The following PDE1C variants were observed in gnomAD, a reference collection of about 807,000 sequenced individuals.
PDE1C encodes phosphodiesterase 1C, also known as dual specificity calcium/calmodulin-dependent 3',5'-cyclic nucleotide phosphodiesterase 1C.
In PDE1C, 62 loss-of-function variants were observed where a neutral mutation model predicts 93.1. The observed-to-expected ratio is 0.67, with a 90% CI of 0.54 to 0.82. The LOEUF (loss-of-function observed/expected upper bound fraction) is 0.82. Ranked by LOEUF, PDE1C falls within the 40% of genes least tolerant of loss-of-function variation. The pLI, the probability that PDE1C is intolerant of heterozygous loss-of-function variation, is 0.00. For synonymous variants in PDE1C, 325 were observed against 310.1 expected, an observed-to-expected ratio of 1.05 and a Z score of -0.50; for missense variants, 742 against 884.6, an observed-to-expected ratio of 0.84 and a Z score of 2.04.
chr7:31,638,724 A>G, the PDE1C span, among the ~76,000 whole-genome samples: 1 of 151,994 alleles, frequency 6.6e-6, no homozygotes, highest in Non-Finnish European at 1.5e-5. Context: ...GTTGATTTTA[A>G]GGGTTTTTAT....
chr7:32,176,872 T>G (rs1363861852), intron 2 of PDE1C, among the ~76,000 whole-genome samples: 2 of 152,052 alleles, frequency 1.3e-5, no homozygotes, highest in Non-Finnish European at 2.9e-5. Context: ...AGACAGAAAA[T>G]ACAAACAGAC....
chr7:32,365,505 A>G (rs772967671), intron 1 of PDE1C, among the ~76,000 whole-genome samples: 2 of 152,194 alleles, frequency 1.3e-5, no homozygotes, highest in African/African-American at 2.4e-5. Context: ...TACCTAGTAC[A>G]GCCGAGAAGA....
At chr7:31,643,768 G>A in the PDE1C span, 74 of 1,613,886 alleles carry the variant, frequency 4.6e-5, no homozygotes, top group Non-Finnish European at 5.5e-5. Context: ...CACCTGCCAT[G>A]CTATACCTGC....
chr7:31,652,165 CTTCATT>C, the PDE1C span: 25 of 824,260 alleles, frequency 3.0e-5, no homozygotes, highest in Non-Finnish European at 4.3e-5. Context: ...ATGCCAACAC[CTTCATT>C]TTAAGTATAC....
At chr7:31,959,199 GTTGTTTGT>G (rs138410002) in intron 2 of PDE1C, among the ~76,000 whole-genome samples, 25 of 151,630 alleles carry the variant, frequency 1.6e-4, no homozygotes, top group East Asian at 3.9e-4. Context: ...TTTTTGTTTT[GTTGTTTGT>G]TTGTTTGTTT....
chr7:32,283,902 T>C (rs1453314077), intron 1 of PDE1C, among the ~76,000 whole-genome samples: 1 of 152,206 alleles, frequency 6.6e-6, no homozygotes, highest in Non-Finnish European at 1.5e-5. Flanking sequence ...TCCATTTCTG[T>C]AGCGCTCAGA....
At chr7:32,071,133 G>A (rs1187586540), upstream of PDE1C, 5 of 985,544 alleles carry the variant, frequency 5.1e-6, no homozygotes, top group South Asian at 9.4e-5. Flanking sequence ...CCCCGGCCGG[G>A]CACACTCACC....
chr7:31,982,500 G>T (rs1167194134), intron 2 of PDE1C, among the ~76,000 whole-genome samples: 1 of 152,048 alleles, frequency 6.6e-6, no homozygotes, highest in Non-Finnish European at 1.5e-5. Flanking sequence ...AATCAATACT[G>T]TCATCAACAA....
intron 2 of PDE1C, among the ~76,000 whole-genome samples, chr7:32,205,250 G>C (rs1457225518): frequency 6.6e-6 from 1 of 152,178 alleles, no homozygotes; most frequent in Non-Finnish European, 1.5e-5. Flanking sequence ...CTGATGTTCA[G>C]TGACCACGTC....
intron 1 of PDE1C, among the ~76,000 whole-genome samples, chr7:32,426,116 AT>A (rs957322189): frequency 6.6e-6 from 1 of 152,118 alleles, no homozygotes; most frequent in African/African-American, 2.4e-5. Flanking sequence ...ACCATGACAG[AT>A]TTTATAAAAA....
chr7:32,017,138 A>C (rs1788016943), intron 2 of PDE1C, among the ~76,000 whole-genome samples: 1 of 152,192 alleles, frequency 6.6e-6, no homozygotes, highest in Middle Eastern at 3.2e-3. Context: ...AAAGCTAATC[A>C]TTATTTGTTA....
intron 2 of PDE1C, among the ~76,000 whole-genome samples, chr7:32,206,034 G>C (rs1476608622): frequency 6.6e-6 from 1 of 152,186 alleles, no homozygotes; most frequent in Non-Finnish European, 1.5e-5. Flanking sequence ...ACGCAGTACT[G>C]TTCTAGGATC....
chr7:32,019,348 G>A (rs1279098164), intron 2 of PDE1C, among the ~76,000 whole-genome samples: 2 of 152,024 alleles, frequency 1.3e-5, no homozygotes, highest in African/African-American at 4.8e-5. Flanking sequence ...GGGACTGGAG[G>A]TGCACATATT....
intron 1 of PDE1C, among the ~76,000 whole-genome samples, chr7:32,214,975 T>TTGATGATGA (rs143895270): frequency 3.0e-3 from 448 of 151,216 alleles, no homozygotes; most frequent in Middle Eastern, 6.8e-3. Context: ...GGGAAGTGAC[T>TTGATGATGA]TGATGATGAT....
At chr7:31,706,929 C>T in the PDE1C span, among the ~76,000 whole-genome samples, 1 of 152,196 alleles carries the variant, frequency 6.6e-6, no homozygotes, top group African/African-American at 2.4e-5. Context: ...ATGCTGCAAG[C>T]TTAGGAGCAG....
chr7:31,761,514 C>T (rs1375207100), intron 17 of PDE1C, among the ~76,000 whole-genome samples: 7 of 152,128 alleles, frequency 4.6e-5, no homozygotes, highest in Non-Finnish European at 8.8e-5. Flanking sequence ...CTTTTCCCTC[C>T]CTTCTGCCAG....
chr7:32,248,017 C>A (rs978008623), intron 1 of PDE1C, among the ~76,000 whole-genome samples: 2 of 152,138 alleles, frequency 1.3e-5, no homozygotes, highest in Non-Finnish European at 2.9e-5. Flanking sequence ...GAAATTGACT[C>A]AACTCAGTAA....
chr7:32,327,931 C>T (rs932814564), intron 1 of PDE1C, among the ~76,000 whole-genome samples: 6 of 152,186 alleles, frequency 3.9e-5, no homozygotes, highest in African/African-American at 1.4e-4. Flanking sequence ...GAACATACCA[C>T]CTTTTATTTA....
chr7:32,299,141 C>G, exon 1 of PDE1C: 1 of 1,007,356 alleles, frequency 9.9e-7, no homozygotes, highest in Non-Finnish European at 1.2e-6. Context: ...TTCTACTTCA[C>G]CTTCTCCTTC....
Sources: gnomAD v4.1 joint callset for allele counts (sites outside exome capture counted in the v4.1 genomes callset) on GRCh38, gnomAD v4.1.1 for gene constraint, MANE v1.5 for transcripts, NCBI Gene and HGNC (gene_info 2026-07-23, HGNC 2026-07-21) for gene names.